NODAL: variants seen among roughly 807,000 people sequenced by gnomAD.
The protein encoded by NODAL is nodal homolog.
In NODAL, 12 loss-of-function variants were observed where a neutral mutation model predicts 34.0. The observed-to-expected ratio is 0.35, with a 90% CI of 0.23 to 0.57. NODAL has a LOEUF of 0.57. Among genes scored for constraint, NODAL ranks in the 20% least tolerant of loss-of-function variants. NODAL has a pLI of 0.83. For synonymous variants in NODAL, 162 were observed against 186.4 expected (o/e 0.87, Z 1.07); for missense variants, 390 against 444.2 (o/e 0.88, Z 1.10).
At chr10:70,433,234 G>T (rs1021609960) in intron 2 of NODAL, 146 bp from the exon 3 acceptor site, 20 of 876,468 alleles carry the variant, frequency 2.3e-5, no homozygotes, top group Non-Finnish European at 3.7e-5. Context: ...AAAGGAATTA[G>T]CTTGCCAATA....
At chr10:70,433,235 C>T in intron 2 of NODAL, 147 bp from the exon 3 acceptor site, 1 of 870,606 alleles carries the variant, frequency 1.1e-6, no homozygotes, top group Non-Finnish European at 1.9e-6. Context: ...AAGGAATTAG[C>T]TTGCCAATAT....
chr10:70,432,650 T>C lies in NODAL; in HGVS notation c.*286A>G, dbSNP rs1028269006. ...TTTAAAAAATCCAGTAAAGAACTCA[T>C]GCACTTGTGCTTTTCCTTGCCACTG... On this transcript the variant is annotated 3_prime_UTR_variant, in exon 3 of 3. Transcript: ENST00000287139. The C allele has an allele frequency of 2.3e-5, 11 of 469,078 alleles. No homozygotes were observed. Among genetic ancestry groups the C allele is most frequent in the African/African-American group, 3.9e-5 (2 of 50,974 alleles). The allele number at this position is 469,078 out of a possible 1,614,324, so 29.1% of individuals were successfully genotyped here.
upstream of NODAL, among the ~76,000 whole-genome samples, chr10:70,443,069 CGAGT>C: frequency 6.6e-6 from 1 of 151,688 alleles, no homozygotes; most frequent in East Asian, 1.9e-4. Flanking sequence ...TCTGGGCAAC[CGAGT>C]GAGTCCCTGT....
chr10:70,432,904 GC>G lies in NODAL; in HGVS notation c.*31del. 1 of 1,612,880 alleles carries G rather than the reference GC, an allele frequency of 6.2e-7. No individual in the cohort carries two copies. Among genetic ancestry groups the G allele is most frequent in the South Asian group, 1.1e-5 (1 of 91,050 alleles). On this transcript the variant is annotated 3_prime_UTR_variant, in exon 3 of 3. Transcript: ENST00000287139. ...CAGGAGTTTCCCAGCCTTCCAGAGTGCAGGCAAATCCAGTCTCCCTCCAGGA... is the reference window on the plus strand; with the variant it reads ...CAGGAGTTTCCCAGCCTTCCAGAGTGAGGCAAATCCAGTCTCCCTCCAGGA...
At chr10:70,442,170 C>A (rs1439644313), upstream of NODAL, among the ~76,000 whole-genome samples, 1 of 152,246 alleles carries the variant, frequency 6.6e-6, no homozygotes, top group Non-Finnish European at 1.5e-5. Flanking sequence ...CCTCCCTGGC[C>A]ACTGTCTAGA....
chr10:70,434,067 G>A (rs896448040), intron 2 of NODAL, among the ~76,000 whole-genome samples: 1 of 152,300 alleles, frequency 6.6e-6, no homozygotes, highest in East Asian at 1.9e-4. Flanking sequence ...CTCAGCCCAT[G>A]TGCTCATGCT....
At chr10:70,433,233 A>T in intron 2 of NODAL, 145 bp from the exon 3 acceptor site, 1 of 886,032 alleles carries the variant, frequency 1.1e-6, no homozygotes, top group South Asian at 1.4e-5. Context: ...TAAAGGAATT[A>T]GCTTGCCAAT....
intron 1 of NODAL, among the ~76,000 whole-genome samples, chr10:70,436,733 T>C (rs1365399413): frequency 6.6e-6 from 1 of 152,018 alleles, no homozygotes; most frequent in Non-Finnish European, 1.5e-5. Context: ...AATAGGTTTC[T>C]AAAGGCTTTC....
At chr10:70,436,263 C>T in intron 1 of NODAL, 1 of 485,172 alleles carries the variant, frequency 2.1e-6, no homozygotes, top group South Asian at 2.1e-5. Flanking sequence ...CAAGCCCAGA[C>T]TCCGAATTAC....
upstream of NODAL, among the ~76,000 whole-genome samples, chr10:70,445,358 C>T (rs1845476987): frequency 6.6e-6 from 1 of 152,122 alleles, no homozygotes; most frequent in South Asian, 2.1e-4. Flanking sequence ...CCTGGGTTCA[C>T]GCCATTCTCC....
intron 1 of NODAL, 120 bp from the exon 2 acceptor site, chr10:70,436,103 A>C: frequency 1.2e-6 from 1 of 817,918 alleles, no homozygotes; most frequent in Non-Finnish European, 2.1e-6. Flanking sequence ...TTACCTTCGA[A>C]TTCTCACCCC....
At chr10:70,441,352 G>C (rs1338025044) in intron 1 of NODAL, 123 bp downstream of exon 1, 1 of 1,076,658 alleles carries the variant, frequency 9.3e-7, no homozygotes, top group Non-Finnish European at 1.3e-6. Flanking sequence ...GGACGCCCGG[G>C]CGGCTGCAAA....
Position 70,439,777 on chromosome 10 carries a change from A to G in NODAL, c.193+1698T>C, listed in dbSNP as rs115329951. Among the ~76,000 whole-genome samples the G allele has an allele frequency of 7.7e-3, 1,178 of 152,318 alleles. 18 individuals carry two copies. Among genetic ancestry groups the G allele is most frequent in the African/African-American group, 0.027 (1,125 of 41,574 alleles). The stretch of plus-strand genomic sequence containing the variant: ...GTAACTGTGCCACATGCCGCTGTAC[A>G]CTAAAAAACAGTGTTTAGGCCGGTC... On this transcript the variant is annotated intron_variant, in intron 1 of 2. Coordinates refer to ENST00000287139, the MANE Select transcript of NODAL (RefSeq NM_018055.5).
At chr10:70,438,037 C>T (rs1845379083) in intron 1 of NODAL, among the ~76,000 whole-genome samples, 1 of 152,082 alleles carries the variant, frequency 6.6e-6, no homozygotes, top group Non-Finnish European at 1.5e-5. Flanking sequence ...CTCCTATAAT[C>T]CCAGCACTTT....
intron 1 of NODAL, among the ~76,000 whole-genome samples, chr10:70,438,101 T>A (rs1405318564): frequency 6.6e-6 from 1 of 151,742 alleles, no homozygotes; most frequent in Non-Finnish European, 1.5e-5. Flanking sequence ...ACCAGCCTGA[T>A]CAACATGGTG....
At chr10:70,444,853 T>C (rs888408677), upstream of NODAL, among the ~76,000 whole-genome samples, 2 of 152,168 alleles carry the variant, frequency 1.3e-5, no homozygotes, top group Non-Finnish European at 2.9e-5. Context: ...TGGTCCATGG[T>C]TGTCATCTGA....
upstream of NODAL, among the ~76,000 whole-genome samples, chr10:70,443,041 C>A (rs950612822): frequency 6.6e-6 from 1 of 152,064 alleles, no homozygotes; most frequent in Non-Finnish European, 1.5e-5. Flanking sequence ...AAGCCAAGAT[C>A]GGGCCACTGC....
chr10:70,441,555 G>A lies in NODAL; in HGVS notation c.113C>T (p.Pro38Leu). 6.3e-7 allele frequency: 1 copy of A among 1,584,380 alleles called. No homozygotes were observed. The highest frequency in any genetic ancestry group is 1.1e-5 in the South Asian group (1 of 87,052). Residue 38 changes from proline to leucine, a missense_variant, in exon 1 of 3, where the codon CCA (proline) becomes CTA (leucine). Transcript: ENST00000287139. ...GCTCAGCATGTACGCCAGAGGGGAT[G>A]GCGACGAGGGCTGCCCCCGCGTACG... ...LLRTRGQPSSPSPLAYMLSLY... is the reference protein window; with the variant it reads ...LLRTRGQPSSLSPLAYMLSLY...
rs748212376 is a variant in NODAL at position 70,435,485 on chromosome 10, C to G, written c.692G>C (p.Trp231Ser). The change falls in exon 2 of 3, where the codon TGG (tryptophan) becomes TCG (serine). Residue 231 changes from tryptophan to serine, a missense_variant. Trp to Ser is a radical substitution (Grantham distance 177). Coordinates refer to ENST00000287139, the MANE Select transcript of NODAL (RefSeq NM_018055.5). ...RAQEGQLSWE[W>S]GKRHRRHHLP... ...GTGATGTCGACGGTGCCTCTTGCCCCACTCCCAGGACAGCTGTCCCTCCTG... is the reference window on the plus strand; with the variant it reads ...GTGATGTCGACGGTGCCTCTTGCCCGACTCCCAGGACAGCTGTCCCTCCTG... 1.9e-6 allele frequency: 3 copies of G among 1,614,090 alleles called. No homozygotes were observed. In the African/African-American group the frequency reaches 4.0e-5, roughly 22 times the overall value.
Sources: allele counts gnomAD v4.1 joint callset (sites outside exome capture counted in the v4.1 genomes callset), GRCh38; gene constraint gnomAD v4.1.1; transcripts MANE v1.5; gene names NCBI Gene and HGNC (gene_info 2026-07-23, HGNC 2026-07-21).